Variants in SEMA5B observed in about 807,000 individuals in gnomAD.
The protein encoded by SEMA5B is semaphorin-5B.
A neutral mutation model predicts 135.0 loss-of-function variants in SEMA5B; 66 were observed. That is an observed-to-expected ratio of 0.49 (90% CI 0.40 to 0.60). The LOEUF is 0.60. Ranked by LOEUF, SEMA5B falls within the 20% of genes least tolerant of loss-of-function variation. The pLI, the probability that SEMA5B is intolerant of heterozygous loss-of-function variation, is 0.00. For synonymous variants in SEMA5B, 690 were observed against 639.5 expected (o/e 1.08, Z -1.19); for missense variants, 1,501 against 1,566.3 (o/e 0.96, Z 0.70).
At position 122,961,172 on chromosome 3, in the gene SEMA5B, G is replaced by A; in HGVS notation, c.92C>T (p.Thr31Ile). 2 of 1,613,488 alleles carry A rather than the reference G, an allele frequency of 1.2e-6. No individual in the cohort carries two copies. Among genetic ancestry groups the A allele is most frequent in the South Asian group, 1.1e-5 (1 of 90,994 alleles). Residue 31 changes from threonine to isoleucine, a missense_variant, in exon 2 of 23, where the codon ACA becomes ATA. Physicochemically the swap from Thr to Ile is moderately conservative, Grantham distance 89. This residue lies in a region of SEMA5B where 574 missense variants were observed against 684.7 expected (regional missense o/e 0.84). Transcript: ENST00000357599. ...CAGTGAGAGAAGCCAGCCCCCTACT[G>A]TCCATCCACACCTTAGCTGTTGGGC... ...TPAQQLRCGW[T>I]VGGWLLSLVR...
chr3:123,019,032 A>G (rs973485122), intron 1 of SEMA5B, among the ~76,000 whole-genome samples: 14 of 152,066 alleles, frequency 9.2e-5, no homozygotes, highest in Admixed American at 5.9e-4. Context: ...TAGCATCCCC[A>G]CTCTACTGCT....
intron 1 of SEMA5B, among the ~76,000 whole-genome samples, chr3:122,990,338 C>T (rs1268576531): frequency 6.6e-6 from 1 of 152,132 alleles, no homozygotes; most frequent in African/African-American, 2.4e-5. Context: ...GGAAATACTT[C>T]CTAAGCAGAA....
At chr3:122,967,012 G>T (rs1940879807) in intron 1 of SEMA5B, among the ~76,000 whole-genome samples, 1 of 151,588 alleles carries the variant, frequency 6.6e-6, no homozygotes, top group Admixed American at 6.6e-5. Context: ...AGCCTCCTGA[G>T]TAGCTGGGAT....
chr3:122,964,170 T>C (rs537616422), intron 1 of SEMA5B, among the ~76,000 whole-genome samples: 1 of 151,992 alleles, frequency 6.6e-6, no homozygotes, highest in African/African-American at 2.4e-5. Flanking sequence ...GGTCCTACAA[T>C]TTCCCCAAAT....
chr3:123,011,992 C>G (rs759984696), intron 1 of SEMA5B, among the ~76,000 whole-genome samples: 19 of 152,218 alleles, frequency 1.2e-4, no homozygotes, highest in Non-Finnish European at 2.6e-4. Context: ...TTCCCGGGCT[C>G]TGTCTGGCAC....
intron 2 of SEMA5B, among the ~76,000 whole-genome samples, chr3:122,959,046 A>G (rs1940463639): frequency 6.6e-6 from 1 of 152,240 alleles, no homozygotes. Context: ...TCAGCACTGT[A>G]CTTTATAGAT....
At chr3:122,976,012 G>A (rs776499747) in intron 1 of SEMA5B, 165 of 1,534,302 alleles carry the variant, frequency 1.1e-4, no homozygotes, top group Non-Finnish European at 1.3e-4. Flanking sequence ...CGATCCCTTC[G>A]CTTCTGCTTG....
intron 2 of SEMA5B, among the ~76,000 whole-genome samples, chr3:122,952,299 C>G (rs1282871934): frequency 6.6e-6 from 1 of 152,112 alleles, no homozygotes; most frequent in Non-Finnish European, 1.5e-5. Flanking sequence ...ATCCTTGGAG[C>G]CCACCAACCC....
intron 1 of SEMA5B, among the ~76,000 whole-genome samples, chr3:123,009,008 G>A (rs543417868): frequency 2.6e-5 from 4 of 152,264 alleles, no homozygotes; most frequent in Admixed American, 6.5e-5. Flanking sequence ...GAGGAAACCC[G>A]AGCTTCCCAG....
intron 12 of SEMA5B, among the ~76,000 whole-genome samples, chr3:122,917,766 T>C (rs573111723): frequency 2.0e-4 from 31 of 152,230 alleles, no homozygotes; most frequent in African/African-American, 7.0e-4. Context: ...TGTTTCCAGT[T>C]TATTCACTCA....
At chr3:122,930,660 A>G (rs751177099) in intron 5 of SEMA5B, among the ~76,000 whole-genome samples, 33 of 152,242 alleles carry the variant, frequency 2.2e-4, no homozygotes, top group Non-Finnish European at 3.5e-4. Flanking sequence ...ATTCCATTGA[A>G]GAGGGGGCTG....
At chr3:122,966,999 C>A (rs1383111563) in intron 1 of SEMA5B, among the ~76,000 whole-genome samples, 1 of 151,696 alleles carries the variant, frequency 6.6e-6, no homozygotes, top group Non-Finnish European at 1.5e-5. Context: ...ATTCTCCTGC[C>A]TCAGCCTCCT....
chr3:122,963,693 C>T (rs1037954287), intron 1 of SEMA5B, among the ~76,000 whole-genome samples: 3 of 151,972 alleles, frequency 2.0e-5, no homozygotes, highest in Non-Finnish European at 4.4e-5. Context: ...CACGGGGCAT[C>T]GGGAGGAGCA....
chr3:123,027,311 C>G (rs926750323), intron 1 of SEMA5B, 153 bp downstream of exon 1: 2 of 152,408 alleles, frequency 1.3e-5, no homozygotes, highest in South Asian at 4.1e-4. Context: ...AGGGGACCCC[C>G]TGTCCTCCCG....
At chr3:122,931,509 A>G (rs901095612) in intron 5 of SEMA5B, among the ~76,000 whole-genome samples, 3 of 152,236 alleles carry the variant, frequency 2.0e-5, no homozygotes, top group Non-Finnish European at 4.4e-5. Flanking sequence ...TTAAAATTTT[A>G]ACGTATACAT....
chr3:122,912,443 T>C, intron 18 of SEMA5B, 101 bp from the exon 19 acceptor site: 1 of 1,135,236 alleles, frequency 8.8e-7, no homozygotes, highest in Admixed American at 3.1e-5. Context: ...TGAGCCACAG[T>C]GACCTCAACA....
intron 1 of SEMA5B, chr3:122,976,041 C>T (rs1022677223): frequency 3.9e-6 from 6 of 1,535,024 alleles, no homozygotes; most frequent in African/African-American, 1.4e-5. Context: ...TGTAGAATGC[C>T]CTCTCCCAAA....
chr3:122,937,542 AG>A (rs1303284359), intron 5 of SEMA5B, among the ~76,000 whole-genome samples: 2 of 152,202 alleles, frequency 1.3e-5, no homozygotes, highest in African/African-American at 2.4e-5. Context: ...TCCTGAGGTC[AG>A]GCCCCTAAGA....
intron 4 of SEMA5B, among the ~76,000 whole-genome samples, chr3:122,940,675 G>A (rs1489439044): frequency 1.3e-5 from 2 of 152,222 alleles, no homozygotes; most frequent in South Asian, 2.1e-4. Flanking sequence ...AGGAGATGCC[G>A]CAGGCCAGGA....
Sources: allele counts gnomAD v4.1 joint callset (sites outside exome capture counted in the v4.1 genomes callset), GRCh38; gene constraint gnomAD v4.1.1; regional missense constraint gnomAD v4.1.1; transcripts MANE v1.5; gene names NCBI Gene and HGNC (gene_info 2026-07-23, HGNC 2026-07-21).